Variants in DST observed in about 807,000 individuals in gnomAD.
The protein encoded by DST is bullous pemphigoid antigen.
DST carries 253 observed loss-of-function variants against 875.2 expected under a neutral mutation model. That is an observed-to-expected ratio of 0.29 (90% confidence interval 0.26 to 0.32). The LOEUF is 0.32. Ranked by LOEUF, DST falls within the 10% of genes least tolerant of loss-of-function variation. The pLI, the probability that DST is intolerant of heterozygous loss-of-function variation, is 1.00. For synonymous variants in DST, 3,124 were observed against 3,197.1 expected, an observed-to-expected ratio of 0.98 and a Z score of 0.77; for missense variants, 8,287 against 9,111.6, an observed-to-expected ratio of 0.91 and a Z score of 3.68.
chr6:56,487,757 A>C (rs1034632489), intron 86 of DST, among the ~76,000 whole-genome samples: 1 of 152,162 alleles, frequency 6.6e-6, no homozygotes, highest in Non-Finnish European at 1.5e-5. Context: ...ATAAATATTC[A>C]ATAGGAAGAG....
intron 36 of DST, chr6:56,616,940 G>T: frequency 6.2e-7 from 1 of 1,604,776 alleles, no homozygotes; most frequent in Non-Finnish European, 8.5e-7. Context: ...AAAACCTGTT[G>T]CAGCCTGAGC....
At chr6:56,595,700 T>C (rs993836876) in intron 47 of DST, among the ~76,000 whole-genome samples, 1 of 152,048 alleles carries the variant, frequency 6.6e-6, no homozygotes, top group Non-Finnish European at 1.5e-5. Flanking sequence ...CGCCACCTAG[T>C]GGGCACATAG....
At chr6:56,843,079 C>T (rs754811378) in intron 4 of DST, 1 of 1,557,728 alleles carries the variant, frequency 6.4e-7, no homozygotes, top group East Asian at 2.3e-5. Context: ...AGGACATCCT[C>T]GTAGGCCTGG....
chr6:56,543,985 ACTAT>A (rs1436990570), intron 61 of DST, among the ~76,000 whole-genome samples: 9 of 152,316 alleles, frequency 5.9e-5, no homozygotes, highest in Admixed American at 1.3e-4. Context: ...TAGATATATG[ACTAT>A]CTATAAAGAA....
intron 4 of DST, among the ~76,000 whole-genome samples, chr6:56,776,238 C>G (rs957645243): frequency 6.6e-6 from 1 of 152,188 alleles, no homozygotes; most frequent in African/African-American, 2.4e-5. Context: ...CTGACCACTA[C>G]TCCTCAAAAC....
intron 4 of DST, among the ~76,000 whole-genome samples, chr6:56,764,646 G>A (rs1201242049): frequency 6.6e-6 from 1 of 152,052 alleles, no homozygotes; most frequent in East Asian, 1.9e-4. Flanking sequence ...AAAAGAAGGA[G>A]TGGGAAGAAC....
chr6:56,693,180 TTCAC>T (rs1180853179), intron 9 of DST: 39 of 1,243,708 alleles, frequency 3.1e-5, no homozygotes, highest in Non-Finnish European at 4.0e-5. Flanking sequence ...GCTCCATAGA[TTCAC>T]TCATTTCAAA....
At chr6:56,495,260 A>G (rs546081601) in intron 82 of DST, among the ~76,000 whole-genome samples, 1 of 151,966 alleles carries the variant, frequency 6.6e-6, no homozygotes, top group Non-Finnish European at 1.5e-5. Flanking sequence ...AAATCAAAAG[A>G]ACTTTATTGA....
chr6:56,875,809 T>C (rs1259039683), intron 3 of DST, among the ~76,000 whole-genome samples: 1 of 152,144 alleles, frequency 6.6e-6, no homozygotes, highest in Non-Finnish European at 1.5e-5. Flanking sequence ...CATACTTGTA[T>C]ACTACCCCCA....
intron 90 of DST, among the ~76,000 whole-genome samples, 168 bp downstream of exon 90, chr6:56,481,882 C>A (rs1417760141): frequency 6.6e-6 from 1 of 152,152 alleles, no homozygotes; most frequent in Non-Finnish European, 1.5e-5. Flanking sequence ...TGCATGGGGA[C>A]ATACATATGT....
intron 9 of DST, among the ~76,000 whole-genome samples, chr6:56,694,775 T>G (rs1435938949): frequency 2.6e-5 from 4 of 152,050 alleles, no homozygotes; most frequent in African/African-American, 7.2e-5. Context: ...CAGGGGCGGC[T>G]CCCTCATGAA....
Position 56,459,106 on chromosome 6 carries a change from G to T in DST, c.23356C>A (p.Pro7786Thr). 6.2e-7 allele frequency: 1 copy of T among 1,613,978 alleles called. No individual in the cohort carries two copies. The highest frequency in any genetic ancestry group is 8.5e-7 in the Non-Finnish European group (1 of 1,179,880). Residue 7786 changes from proline to threonine, a missense_variant, in exon 104 of 104, where the codon CCC becomes ACC. Transcript: ENST00000680361. ...GTGGATGGCCGAGAACCTGCTCGGG[G>T]TGTAGGTCTGTGTGTCTGGGGGACA... ...ETVPQTHRPT[P>T]RAGSRPSTAK...
At chr6:56,545,109 C>T (rs2097201173) in intron 61 of DST, among the ~76,000 whole-genome samples, 1 of 152,020 alleles carries the variant, frequency 6.6e-6, no homozygotes, top group Admixed American at 6.6e-5. Context: ...ACCTCTCGGG[C>T]TCATGTGATC....
intron 2 of DST, among the ~76,000 whole-genome samples, chr6:56,923,817 T>G (rs1805547239): frequency 6.6e-6 from 1 of 152,112 alleles, no homozygotes; most frequent in African/African-American, 2.4e-5. Context: ...TAAATGTTAA[T>G]CTCATCCAAA....
chr6:56,825,402 TTTGTTCAC>T (rs1335019901), intron 4 of DST, among the ~76,000 whole-genome samples: 6 of 150,366 alleles, frequency 4.0e-5, no homozygotes, highest in African/African-American at 1.2e-4. Context: ...ACCAGAGACC[TTTGTTCAC>T]TTGTTTATCT....
chr6:56,775,898 T>C (rs2099678095), intron 4 of DST, among the ~76,000 whole-genome samples: 1 of 152,248 alleles, frequency 6.6e-6, no homozygotes, highest in South Asian at 2.1e-4. Context: ...AAACAATTTA[T>C]GTAGATATTC....
chr6:56,904,424 A>G (rs1795453787), intron 2 of DST, among the ~76,000 whole-genome samples: 1 of 152,232 alleles, frequency 6.6e-6, no homozygotes, highest in Non-Finnish European at 1.5e-5. Flanking sequence ...TCAAATGCAT[A>G]TAACAATACG....
intron 8 of DST, among the ~76,000 whole-genome samples, chr6:56,701,006 G>T (rs2099301107): frequency 7.2e-6 from 1 of 138,464 alleles, no homozygotes; most frequent in African/African-American, 2.6e-5. Flanking sequence ...TTGAGACAGG[G>T]TCTCATTCTG....
At chr6:56,805,584 G>C (rs2099752141) in intron 4 of DST, among the ~76,000 whole-genome samples, 1 of 152,116 alleles carries the variant, frequency 6.6e-6, no homozygotes. Context: ...GATTTTTATT[G>C]AATAAGACAA....
Sources: gnomAD v4.1 joint callset for allele counts (sites outside exome capture counted in the v4.1 genomes callset) on GRCh38, gnomAD v4.1.1 for gene constraint, MANE v1.5 for transcripts, NCBI Gene and HGNC (gene_info 2026-07-23, HGNC 2026-07-21) for gene names.